TRIM5: variants seen among roughly 807,000 people sequenced by gnomAD.
TRIM5 encodes the protein tripartite motif-containing protein 5.
Under a neutral mutation model 35.6 loss-of-function variants are expected in TRIM5, and 31 were observed. The ratio of observed to expected loss-of-function variants is 0.87; its 90% CI spans 0.65 to 1.18. The LOEUF is 1.18. Ranked by LOEUF, TRIM5 falls within the 50% of genes most tolerant of loss-of-function variation. The probability of loss-of-function intolerance (pLI) is 0.00; values close to 1 mark genes in which losing one functional copy is unlikely to be tolerated. For synonymous variants in TRIM5, 243 were observed against 215.6 expected (o/e 1.13, Z -1.11); for missense variants, 609 against 591.6 (o/e 1.03, Z -0.31).
chr11:5,629,255 C>T, the TRIM5 span, among the ~76,000 whole-genome samples: 15 of 151,864 alleles, frequency 9.9e-5, no homozygotes, highest in African/African-American at 3.1e-4. Flanking sequence ...CCAGCCTGGG[C>T]GACAGAGCGA....
At chr11:5,589,703 G>C in the TRIM5 span, 2 of 155,198 alleles carry the variant, frequency 1.3e-5, no homozygotes, top group Admixed American at 1.3e-4. Context: ...CTTGTGAGAG[G>C]TGACAGCGTG....
In TRIM5 at chr11:5,664,040, GA is replaced by G. The variant is rs1590219185; in HGVS notation, c.*768del. 1.1e-5 allele frequency: 2 copies of G among 173,922 alleles called. No homozygotes were observed. Among genetic ancestry groups the G allele is most frequent in the South Asian group, 1.9e-4 (1 of 5,242 alleles). 10.8% of individuals were successfully genotyped at this position (173,922 alleles called of 1,614,324 possible). On this transcript the variant is annotated 3_prime_UTR_variant, in exon 8 of 8. Transcript: ENST00000380034. ...AACATGGGGAAACCCCGTCTCTACTGAAAATACAAATTTAGCCAGGGGTGGT... is the reference window on the plus strand; with the variant it reads ...AACATGGGGAAACCCCGTCTCTACTGAAATACAAATTTAGCCAGGGGTGGT...
chr11:5,659,328 G>C (rs1850738527), downstream of TRIM5, among the ~76,000 whole-genome samples: 1 of 152,060 alleles, frequency 6.6e-6, no homozygotes, highest in South Asian at 2.1e-4. Flanking sequence ...CCTGCAAAGG[G>C]AACAAGGGAA....
At chr11:5,662,867 C>G (rs942804705), downstream of TRIM5, among the ~76,000 whole-genome samples, 6 of 152,194 alleles carry the variant, frequency 3.9e-5, no homozygotes, top group African/African-American at 1.2e-4. Context: ...TGGTGGCTCA[C>G]ACCTATAATC....
the TRIM5 span, among the ~76,000 whole-genome samples, chr11:5,628,567 G>C: frequency 6.6e-6 from 1 of 152,062 alleles, no homozygotes; most frequent in South Asian, 2.1e-4. Flanking sequence ...GACAGGTCTC[G>C]AGGCCTAGGT....
chr11:5,652,641 A>C, the TRIM5 span, among the ~76,000 whole-genome samples: 1 of 152,004 alleles, frequency 6.6e-6, no homozygotes, highest in African/African-American at 2.4e-5. Flanking sequence ...TTCCTTGGCT[A>C]TTTGGGTTCC....
At position 5,678,406 on chromosome 11, in the gene TRIM5, A is replaced by T; in HGVS notation, c.542T>A (p.Val181Asp). The T allele has an allele frequency of 6.3e-7, 1 of 1,588,338 alleles. No individual in the cohort carries two copies. The highest frequency in any genetic ancestry group is 8.6e-7 in the Non-Finnish European group (1 of 1,163,734). Residue 181 changes from valine (V) to aspartate (D), a missense_variant, in exon 4 of 8, where the codon GTC becomes GAC. Coordinates refer to ENST00000380034, the MANE Select transcript of TRIM5 (RefSeq NM_033034.3). ...KTQIQYDKTN[V>D]LADFEQLRDI... is the part of the protein sequence containing the mutation. ...TCTCAGTTGCTCAAAATCTGCCAAG[A>T]CGTTGGTTTTGTCATACTGTATTTG...
At chr11:5,642,588 A>C in the TRIM5 span, 1 of 1,523,030 alleles carries the variant, frequency 6.6e-7, no homozygotes, top group South Asian at 1.2e-5. Flanking sequence ...ATAACTTAAA[A>C]TTGAGGACAG....
intron 4 of TRIM5, among the ~76,000 whole-genome samples, chr11:5,677,542 G>C (rs1852085341): frequency 6.6e-6 from 1 of 152,214 alleles, no homozygotes; most frequent in South Asian, 2.1e-4. Context: ...GGAAGTCAGT[G>C]TGGCGATTCC....
At chr11:5,684,523 C>T (rs1402308325) in intron 1 of TRIM5, among the ~76,000 whole-genome samples, 2 of 152,172 alleles carry the variant, frequency 1.3e-5, no homozygotes, top group Non-Finnish European at 2.9e-5. Flanking sequence ...TAGAGTTATG[C>T]AGAAACACTA....
chr11:5,642,950 C>T, the TRIM5 span: 16 of 1,490,856 alleles, frequency 1.1e-5, no homozygotes, highest in Non-Finnish European at 1.5e-5. Flanking sequence ...CAGCACCTCC[C>T]AAAACATTTG....
chr11:5,644,294 T>C, the TRIM5 span: 1 of 398,838 alleles, frequency 2.5e-6, no homozygotes, highest in Admixed American at 4.4e-5. Flanking sequence ...TTTAAGACTG[T>C]ACCTAACTAT....
At position 5,677,290 on chromosome 11, in the gene TRIM5, G is replaced by A. The variant is rs1015116293; in HGVS notation, c.744+914C>T. On this transcript the variant is annotated intron_variant, in intron 4 of 7. Transcript: ENST00000380034. ...CAAACAACCCCATCAAAAAGTGGGC[G>A]AAGGACATGAACAGACACTTCTCAA... Among the ~76,000 whole-genome samples, 318 of 152,108 alleles carry A rather than the reference G, an allele frequency of 2.1e-3. 1 individual carries two copies. The highest frequency in any genetic ancestry group is 3.5e-3 in the Non-Finnish European group (237 of 68,010).
At chr11:5,618,479 G>A in the TRIM5 span, among the ~76,000 whole-genome samples, 5 of 152,120 alleles carry the variant, frequency 3.3e-5, no homozygotes, top group African/African-American at 1.2e-4. Flanking sequence ...AATGATATAA[G>A]TAATATTAAA....
the TRIM5 span, chr11:5,634,673 G>T: frequency 3.7e-6 from 6 of 1,613,836 alleles, no homozygotes; most frequent in Non-Finnish European, 5.1e-6. Context: ...AACAGAATTT[G>T]ATCAGCTTAG....
At chr11:5,649,120 A>G in the TRIM5 span, among the ~76,000 whole-genome samples, 1 of 152,332 alleles carries the variant, frequency 6.6e-6, no homozygotes, top group South Asian at 2.1e-4. Context: ...CTCAGTTTTC[A>G]CTTAAATGCA....
chr11:5,593,381 C>G, the TRIM5 span, among the ~76,000 whole-genome samples: 347 of 152,294 alleles, frequency 2.3e-3, 1 homozygote, highest in African/African-American at 8.0e-3. Context: ...TCATCTAACA[C>G]TGCTTTCAAA....
the TRIM5 span, chr11:5,610,492 A>T: frequency 1.1e-4 from 182 of 1,613,960 alleles, 1 homozygote; most frequent in South Asian, 4.4e-4. Flanking sequence ...GACATGAGAC[A>T]GTTGGTCCTA....
At chr11:5,606,198 C>T in the TRIM5 span, among the ~76,000 whole-genome samples, 2 of 152,202 alleles carry the variant, frequency 1.3e-5, no homozygotes, top group Non-Finnish European at 2.9e-5. Context: ...TCTTTGTTTT[C>T]ACTCTCTTCT....
Sources: gnomAD v4.1 joint callset for allele counts (sites outside exome capture counted in the v4.1 genomes callset) on GRCh38, gnomAD v4.1.1 for gene constraint, MANE v1.5 for transcripts, NCBI Gene and HGNC (gene_info 2026-07-23, HGNC 2026-07-21) for gene names.